Variants in GGTA1 observed in about 807,000 individuals in gnomAD.
GGTA1 encodes glycoprotein alpha-galactosyltransferase 1 (inactive).
In GGTA1, 5 loss-of-function variants were observed where a neutral mutation model predicts 2.6. The ratio of observed to expected loss-of-function variants is 1.92; its 90% CI spans 1.00 to 4.04. The LOEUF (loss-of-function observed/expected upper bound fraction) is 4.04, where lower values mean the gene tolerates loss of function less well. Ranked by LOEUF, GGTA1 falls within the 30% of genes most tolerant of loss-of-function variation. The pLI is 0.00. For missense variants in GGTA1, 50 were observed against 16.7 expected (o/e 2.99, Z -3.47); for synonymous variants, 17 against 5.0 (o/e 3.38, Z -3.19).
chr9:121,473,907 G>T (rs1429366074), intron 1 of GGTA1, among the ~76,000 whole-genome samples: 2 of 139,072 alleles, frequency 1.4e-5, no homozygotes, highest in Non-Finnish European at 3.1e-5. Context: ...GACAGAGTGA[G>T]ATCCTGCAAG....
At chr9:121,460,080 A>AG (rs1303718000) in intron 5 of GGTA1, 24 bp downstream of exon 5, 2 of 456,508 alleles carry the variant, frequency 4.4e-6, no homozygotes, top group South Asian at 1.5e-5. Context: ...TTTGCTGCAC[A>AG]GGGAGTGACG....
intron 3 of GGTA1, 135 bp downstream of exon 3, chr9:121,463,158 C>T: frequency 1.2e-5 from 5 of 419,562 alleles, no homozygotes; most frequent in South Asian, 8.6e-5. Context: ...TTCCAGATCC[C>T]CAGGAATCCA....
In GGTA1 at chr9:121,455,738, C is replaced by T. The variant is rs1046004663; in HGVS notation, c.*99G>A. 2.3e-5 allele frequency: 9 copies of T among 396,364 alleles called. No homozygotes were observed. The highest frequency in any genetic ancestry group is 7.3e-5 in the East Asian group (1 of 13,792). 24.6% of individuals were successfully genotyped at this position (396,364 alleles called of 1,614,324 possible). A position where few individuals can be genotyped will look rare whatever the true frequency, so the allele number is the denominator to read the frequency against. On this transcript the variant is annotated 3_prime_UTR_variant, in exon 6 of 6. Transcript: ENST00000481799. ...AATCTCGCAGTCCCAACAGGTGGTCCGCCTGTTACACACTCCTTAACCGCA... is the reference window on the plus strand; with the variant it reads ...AATCTCGCAGTCCCAACAGGTGGTCTGCCTGTTACACACTCCTTAACCGCA...
chr9:121,453,701 T>G (rs979584709), downstream of GGTA1, among the ~76,000 whole-genome samples: 1 of 152,186 alleles, frequency 6.6e-6, no homozygotes, highest in African/African-American at 2.4e-5. Flanking sequence ...ACTGCCGTGG[T>G]CCTGGTGAGG....
At chr9:121,478,311 G>T (rs1044565046) in intron 1 of GGTA1, among the ~76,000 whole-genome samples, 2 of 152,210 alleles carry the variant, frequency 1.3e-5, no homozygotes, top group Non-Finnish European at 2.9e-5. Context: ...GTGTTGTGGG[G>T]TGTCCTCACT....
At chr9:121,493,352 G>GT (rs1295444459) in intron 1 of GGTA1, among the ~76,000 whole-genome samples, 6 of 151,998 alleles carry the variant, frequency 3.9e-5, no homozygotes, top group African/African-American at 1.2e-4. Context: ...GCCACCCTAT[G>GT]TTTGGCTTCA....
intron 1 of GGTA1, among the ~76,000 whole-genome samples, chr9:121,489,516 C>A (rs557292606): frequency 6.6e-6 from 1 of 152,226 alleles, no homozygotes; most frequent in South Asian, 2.1e-4. Context: ...TTACTTACAT[C>A]TATTGTATCT....
chr9:121,445,430 A>C (rs2064848089), exon 8 of GGTA1: 1 of 152,242 alleles, frequency 6.6e-6, no homozygotes, highest in African/African-American at 2.4e-5. Context: ...TTTATCAAAG[A>C]AGCTCATTGC....
At chr9:121,496,346 GTCTCCATATCACCA>G (rs1278448056) in intron 1 of GGTA1, among the ~76,000 whole-genome samples, 3 of 151,932 alleles carry the variant, frequency 2.0e-5, no homozygotes, top group Admixed American at 6.6e-5. Context: ...GCCCATAATG[GTCTCCATATCACCA>G]TCTCCATATC....
Position 121,467,945 on chromosome 9 carries a change from A to C in GGTA1, c.-9-14T>G, listed in dbSNP as rs1448074976. The C allele has an allele frequency of 4.4e-6, 2 of 455,008 alleles. No individual in the cohort carries two copies. Among genetic ancestry groups the C allele is most frequent in the Admixed American group, 4.7e-5 (2 of 42,226 alleles). 28.2% of individuals were successfully genotyped at this position (455,008 alleles called of 1,614,324 possible). A position where few individuals can be genotyped will look rare whatever the true frequency, so the allele number is the denominator to read the frequency against. On this transcript the variant is annotated splice_polypyrimidine_tract_variant and intron_variant, in intron 1 of 5. Coordinates refer to ENST00000481799, the MANE Select transcript of GGTA1 (RefSeq NM_001382585.1). ...CATTATTTTCTCCTAGGAAAAAAGA[A>C]GAGGGGAGAAAAAAAGAGAACAGAT...
At chr9:121,454,451 G>C (rs2064895118), downstream of GGTA1, among the ~76,000 whole-genome samples, 1 of 152,188 alleles carries the variant, frequency 6.6e-6, no homozygotes, top group African/African-American at 2.4e-5. Context: ...ACTGTGCAAA[G>C]GGCTCACTCA....
At chr9:121,449,220 A>C (rs972045747) in intron 7 of GGTA1, among the ~76,000 whole-genome samples, 1 of 152,222 alleles carries the variant, frequency 6.6e-6, no homozygotes, top group Non-Finnish European at 1.5e-5. Context: ...GGTTGCTCTC[A>C]AGTTTTGGCA....
intron 7 of GGTA1, among the ~76,000 whole-genome samples, chr9:121,449,899 T>G (rs539272445): frequency 7.9e-5 from 12 of 151,952 alleles, no homozygotes; most frequent in African/African-American, 2.7e-4. Flanking sequence ...ATTGGTGTCT[T>G]CTGTAAGCCT....
intron 4 of GGTA1, among the ~76,000 whole-genome samples, 190 bp downstream of exon 4, chr9:121,461,062 G>A (rs912954056): frequency 6.6e-6 from 1 of 152,278 alleles, no homozygotes; most frequent in South Asian, 2.1e-4. Context: ...GAGTGACAGT[G>A]AGACCCTGTC....
At chr9:121,492,654 G>C (rs917674341) in intron 1 of GGTA1, among the ~76,000 whole-genome samples, 2 of 151,632 alleles carry the variant, frequency 1.3e-5, no homozygotes, top group Non-Finnish European at 2.9e-5. Flanking sequence ...TATATTTTTA[G>C]TAGAGACGGG....
intron 7 of GGTA1, among the ~76,000 whole-genome samples, chr9:121,449,627 G>T (rs532477145): frequency 6.6e-6 from 1 of 152,216 alleles, no homozygotes; most frequent in South Asian, 2.1e-4. Flanking sequence ...GGATCACAAG[G>T]TCAGGAGTTT....
intron 7 of GGTA1, among the ~76,000 whole-genome samples, chr9:121,449,545 C>T (rs1338066287): frequency 6.6e-6 from 1 of 152,048 alleles, no homozygotes; most frequent in Non-Finnish European, 1.5e-5. Flanking sequence ...AAAAGCATTG[C>T]ACGCCATCTC....
At chr9:121,461,851 A>G (rs2064962842) in intron 3 of GGTA1, among the ~76,000 whole-genome samples, 1 of 152,236 alleles carries the variant, frequency 6.6e-6, no homozygotes, top group African/African-American at 2.4e-5. Context: ...CTTTAGCTAA[A>G]ACCAGCAGAA....
At chr9:121,465,029 C>T (rs1465431481) in intron 2 of GGTA1, among the ~76,000 whole-genome samples, 1 of 145,026 alleles carries the variant, frequency 6.9e-6, no homozygotes, top group South Asian at 2.2e-4. Context: ...CAAAAAACAA[C>T]TCCTCCCCTT....
Sources: gnomAD v4.1 joint callset for allele counts (sites outside exome capture counted in the v4.1 genomes callset) on GRCh38, gnomAD v4.1.1 for gene constraint, MANE v1.5 for transcripts, NCBI Gene and HGNC (gene_info 2026-07-23, HGNC 2026-07-21) for gene names.